Variants in NCK1 observed in about 807,000 individuals in gnomAD.
NCK1 encodes the protein SH2/SH3 adapter protein NCK1.
In NCK1, 19 loss-of-function variants were observed where a neutral mutation model predicts 36.6. That is an observed-to-expected ratio of 0.52 (90% CI 0.36 to 0.76). The LOEUF is 0.76. NCK1 is among the 30% of genes least tolerant of loss of function. NCK1 has a pLI of 0.00. For synonymous variants in NCK1, 165 were observed against 156.0 expected (o/e 1.06, Z -0.43); for missense variants, 358 against 445.6 (o/e 0.80, Z 1.77).
intron 1 of NCK1, among the ~76,000 whole-genome samples, chr3:136,902,342 T>C (rs1392276591): frequency 6.6e-6 from 1 of 151,948 alleles, no homozygotes; most frequent in Non-Finnish European, 1.5e-5. Context: ...GGACTACAGG[T>C]GCATGCCACC....
intron 1 of NCK1, among the ~76,000 whole-genome samples, chr3:136,868,553 C>G (rs764322111): frequency 6.6e-6 from 1 of 152,134 alleles, no homozygotes. Context: ...ATCTCCAACT[C>G]CTAACTTCAG....
At chr3:136,888,004 G>T (rs1939120098) in intron 1 of NCK1, among the ~76,000 whole-genome samples, 1 of 151,236 alleles carries the variant, frequency 6.6e-6, no homozygotes, top group African/African-American at 2.4e-5. Context: ...GAGTGCAATG[G>T]CATGATCTCT....
At chr3:136,939,295 T>C (rs1202429046) in intron 2 of NCK1, among the ~76,000 whole-genome samples, 2 of 152,180 alleles carry the variant, frequency 1.3e-5, no homozygotes, top group Non-Finnish European at 2.9e-5. Context: ...TATAATCCTT[T>C]TTAAAATATC....
chr3:136,946,628 A>C (rs1560057370), intron 3 of NCK1, among the ~76,000 whole-genome samples: 1 of 152,306 alleles, frequency 6.6e-6, no homozygotes, highest in South Asian at 2.1e-4. Flanking sequence ...GTAGAATAAT[A>C]CTATAGATTA....
intron 1 of NCK1, among the ~76,000 whole-genome samples, chr3:136,902,198 T>TTTCG (rs57065412): frequency 7.6e-6 from 1 of 131,502 alleles, no homozygotes; most frequent in South Asian, 2.4e-4. Flanking sequence ...TTTTTTTTTT[T>TTTCG]TTTTGTTTTT....
chr3:136,931,980 C>T (rs1368843313), intron 2 of NCK1, among the ~76,000 whole-genome samples: 3 of 151,954 alleles, frequency 2.0e-5, no homozygotes, highest in East Asian at 3.9e-4. Flanking sequence ...ATTAGCTGGG[C>T]GTGGTGGCGG....
intron 1 of NCK1, among the ~76,000 whole-genome samples, chr3:136,873,973 C>T (rs751540021): frequency 5.3e-5 from 8 of 152,104 alleles, no homozygotes; most frequent in Non-Finnish European, 7.4e-5. Context: ...AGCTTGTATA[C>T]CTTTTTGTGG....
At chr3:136,945,472 C>A in intron 2 of NCK1, 111 bp from the exon 3 acceptor site, 3 of 694,562 alleles carry the variant, frequency 4.3e-6, no homozygotes, top group Non-Finnish European at 6.6e-6. Context: ...TATTTAAAAG[C>A]TTTAAAGATC....
At chr3:136,905,878 G>A (rs765005456) in intron 1 of NCK1, among the ~76,000 whole-genome samples, 1 of 152,092 alleles carries the variant, frequency 6.6e-6, no homozygotes, top group Non-Finnish European at 1.5e-5. Flanking sequence ...GCCTGCCTCA[G>A]TCTCCCAAAG....
At chr3:136,929,125 G>C (rs1015625294) in intron 2 of NCK1, among the ~76,000 whole-genome samples, 1 of 152,062 alleles carries the variant, frequency 6.6e-6, no homozygotes, top group African/African-American at 2.4e-5. Flanking sequence ...TAGAGATGGA[G>C]TCTTGCTCTG....
At chr3:136,901,375 A>T (rs1393711643) in intron 1 of NCK1, among the ~76,000 whole-genome samples, 11 of 123,766 alleles carry the variant, frequency 8.9e-5, no homozygotes, top group South Asian at 2.6e-4. Context: ...TTTTTTTTTT[A>T]AATATTTTTT....
At position 136,948,274 on chromosome 3, in the gene NCK1, G is replaced by A. The variant is rs148197442; in HGVS notation, c.955G>A (p.Val319Ile). The A allele has an allele frequency of 9.6e-5, 153 of 1,593,664 alleles. No individual in the cohort carries two copies. The highest frequency in any genetic ancestry group is 1.2e-4 in the Non-Finnish European group (143 of 1,171,858). Residue 319 changes from valine (V) to isoleucine (I), a missense_variant, in exon 4 of 4, where the codon GTA (valine) becomes ATA (isoleucine). By Grantham distance (29) the Val-to-Ile change is conservative. Transcript: ENST00000481752. ...DSESSPNDFS[V>I]SLKAQGKNKH... ...TCTCTTTTAGCCAAATGATTTCTCA[G>A]TATCACTAAAAGCACAAGGGAAAAA...
At chr3:136,893,369 T>C (rs1438846113) in intron 1 of NCK1, among the ~76,000 whole-genome samples, 1 of 151,776 alleles carries the variant, frequency 6.6e-6, no homozygotes, top group Non-Finnish European at 1.5e-5. Context: ...TGGTACTGCA[T>C]TGTGGTTTTG....
At chr3:136,948,209 T>C (rs1312595638) in intron 3 of NCK1, 50 bp from the exon 4 acceptor site, 1 of 1,405,342 alleles carries the variant, frequency 7.1e-7, no homozygotes, top group Non-Finnish European at 9.6e-7. Context: ...AAAATACTGA[T>C]AGAGGGCTTT....
chr3:136,935,271 T>G (rs543455928), intron 2 of NCK1, among the ~76,000 whole-genome samples: 85 of 152,298 alleles, frequency 5.6e-4, no homozygotes, highest in African/African-American at 1.9e-3. Flanking sequence ...GAGAGAATCA[T>G]TCTAGGTTTT....
intron 1 of NCK1, among the ~76,000 whole-genome samples, chr3:136,870,553 T>C (rs544335406): frequency 1.3e-5 from 2 of 152,230 alleles, no homozygotes; most frequent in Non-Finnish European, 2.9e-5. Context: ...AAGTACTACA[T>C]GCTCTTGAAT....
At chr3:136,937,499 G>A (rs952800992) in intron 2 of NCK1, among the ~76,000 whole-genome samples, 1 of 152,048 alleles carries the variant, frequency 6.6e-6, no homozygotes, top group Non-Finnish European at 1.5e-5. Flanking sequence ...CATTTCTGTG[G>A]AAAAAACAAA....
chr3:136,933,914 G>T (rs1400325312), intron 2 of NCK1, among the ~76,000 whole-genome samples: 1 of 151,934 alleles, frequency 6.6e-6, no homozygotes, highest in East Asian at 1.9e-4. Context: ...CCCCATGTTG[G>T]CCAGGCATGT....
intron 1 of NCK1, among the ~76,000 whole-genome samples, chr3:136,879,352 A>G (rs1217173118): frequency 6.6e-6 from 1 of 152,184 alleles, no homozygotes; most frequent in East Asian, 1.9e-4. Flanking sequence ...AAGGAACGTG[A>G]TTTTGCAGAA....
Sources: allele counts gnomAD v4.1 joint callset (sites outside exome capture counted in the v4.1 genomes callset), GRCh38; gene constraint gnomAD v4.1.1; transcripts MANE v1.5; gene names NCBI Gene and HGNC (gene_info 2026-07-23, HGNC 2026-07-21).